The following RNF11 variants were observed in gnomAD, a reference collection of about 807,000 sequenced individuals.
The protein encoded by RNF11 is ring finger protein 11.
RNF11 carries 4 observed loss-of-function variants against 15.8 expected under a neutral mutation model. The ratio of observed to expected loss-of-function variants is 0.25; its 90% CI spans 0.12 to 0.58. The LOEUF is 0.58. Among genes scored for constraint, RNF11 ranks in the 20% least tolerant of loss-of-function variants. RNF11 has a pLI of 0.91. For synonymous variants in RNF11, 68 were observed against 72.3 expected, an observed-to-expected ratio of 0.94 and a Z score of 0.30; for missense variants, 139 against 194.4, an observed-to-expected ratio of 0.71 and a Z score of 1.70.
At position 51,272,544 on chromosome 1, in the gene RNF11, CCTTTGTT is replaced by C. The variant is rs1244626371; in HGVS notation, c.*1223_*1229del. 4 of 152,574 alleles carry C rather than the reference CCTTTGTT, an allele frequency of 2.6e-5. No homozygotes were observed. Among genetic ancestry groups the C allele is most frequent in the African/African-American group, 9.7e-5 (4 of 41,446 alleles). The allele number at this position is 152,574 out of a possible 1,614,324, so 9.5% of individuals were successfully genotyped here. ...TGATCTCAAAAAAGAAGGAATTTCTCCTTTGTTTCTTGCAGTTAATGTAAGAATACTT... is the reference window on the plus strand; with the variant it reads ...TGATCTCAAAAAAGAAGGAATTTCTCTCTTGCAGTTAATGTAAGAATACTT... On this transcript the variant is annotated 3_prime_UTR_variant, in exon 3 of 3. Coordinates refer to ENST00000242719, the MANE Select transcript of RNF11 (RefSeq NM_014372.5).
chr1:51,238,020 A>G (rs1049024424), intron 1 of RNF11, among the ~76,000 whole-genome samples: 7 of 152,048 alleles, frequency 4.6e-5, no homozygotes, highest in African/African-American at 1.7e-4. Context: ...CATATATACC[A>G]GTAAGGTCCA....
At position 51,261,883 on chromosome 1, in the gene RNF11, G is replaced by A. The variant is rs181103799; in HGVS notation, c.124-8073G>A. Among the ~76,000 whole-genome samples the A allele has an allele frequency of 5.5e-4, 84 of 151,972 alleles. 1 individual carries two copies. The highest frequency in any genetic ancestry group is 2.0e-3 in the African/African-American group (81 of 41,450). ...TAAGATTTTTAAATAAAAATTTCAC[G>A]GCTCGTTGCTATGGCTCATGCCTGT... On this transcript the variant is annotated intron_variant, in intron 1 of 2. Transcript: ENST00000242719.
chr1:51,250,173 ATATAAT>A (rs1246083452), intron 1 of RNF11, among the ~76,000 whole-genome samples: 2 of 152,184 alleles, frequency 1.3e-5, no homozygotes, highest in Non-Finnish European at 2.9e-5. Context: ...AGTATAATTG[ATATAAT>A]TATATATACT....
intron 1 of RNF11, among the ~76,000 whole-genome samples, chr1:51,241,050 C>A (rs1342174408): frequency 6.6e-6 from 1 of 152,200 alleles, no homozygotes; most frequent in Non-Finnish European, 1.5e-5. Context: ...CTCCTGACTT[C>A]AGGTGATCTG....
At chr1:51,259,080 A>C (rs971428990) in intron 1 of RNF11, among the ~76,000 whole-genome samples, 1 of 152,170 alleles carries the variant, frequency 6.6e-6, no homozygotes, top group African/African-American at 2.4e-5. Context: ...GTAAGATCCT[A>C]AGCCAGTGGT....
intron 1 of RNF11, among the ~76,000 whole-genome samples, chr1:51,246,094 C>T (rs988966917): frequency 6.6e-6 from 1 of 152,022 alleles, no homozygotes; most frequent in African/African-American, 2.4e-5. Context: ...AGAGAAACCC[C>T]GTCTCTACTA....
At chr1:51,249,735 AT>A (rs1646868316) in intron 1 of RNF11, among the ~76,000 whole-genome samples, 3 of 152,308 alleles carry the variant, frequency 2.0e-5, no homozygotes, top group Admixed American at 6.5e-5. Flanking sequence ...GGTAGTATCA[AT>A]TTTTGGCTGT....
At position 51,242,292 on chromosome 1, in the gene RNF11, A is replaced by C. The variant is rs532426882; in HGVS notation, c.123+5413A>C. On this transcript the variant is annotated intron_variant, in intron 1 of 2. Coordinates refer to ENST00000242719, the MANE Select transcript of RNF11 (RefSeq NM_014372.5). Reference sequence around the variant, plus strand: ...AAAATGTAACATTTTGGATATTTCAAATTGTGTCTGCATAAAGCTTTCTTC... The same window carrying C: ...AAAATGTAACATTTTGGATATTTCACATTGTGTCTGCATAAAGCTTTCTTC... 4.0e-5 allele frequency among the ~76,000 whole-genome samples: 6 copies of C among 151,812 alleles called. No individual in the cohort carries two copies. In the South Asian group the frequency reaches 1.0e-3, roughly 26 times the overall value.
chr1:51,266,787 C>A (rs1290887421), intron 1 of RNF11, among the ~76,000 whole-genome samples: 1 of 152,170 alleles, frequency 6.6e-6, no homozygotes, highest in Non-Finnish European at 1.5e-5. Context: ...CATAGCATAT[C>A]TACAAAGTTC....
At chr1:51,249,108 G>A (rs534088450) in intron 1 of RNF11, among the ~76,000 whole-genome samples, 2 of 152,118 alleles carry the variant, frequency 1.3e-5, no homozygotes, top group African/African-American at 2.4e-5. Flanking sequence ...GGAGTCAGTC[G>A]GGTCGGACTA....
chr1:51,257,148 T>C (rs1646907449), intron 1 of RNF11, among the ~76,000 whole-genome samples: 1 of 152,208 alleles, frequency 6.6e-6, no homozygotes, highest in Admixed American at 6.5e-5. Context: ...CCACCCACCT[T>C]ATCTGGGACA....
intron 1 of RNF11, among the ~76,000 whole-genome samples, chr1:51,254,875 C>T (rs1646897252): frequency 6.6e-6 from 1 of 152,160 alleles, no homozygotes; most frequent in South Asian, 2.1e-4. Context: ...AGCACCCAGC[C>T]TAGTTCCTTT....
intron 1 of RNF11, among the ~76,000 whole-genome samples, chr1:51,248,199 C>T (rs989711208): frequency 8.3e-5 from 10 of 120,958 alleles, no homozygotes; most frequent in South Asian, 2.7e-4. Context: ...ACTGTATTTT[C>T]TTTTTCTTTT....
chr1:51,248,205 CTTTTTTT>C (rs71063020), intron 1 of RNF11, among the ~76,000 whole-genome samples: 1 of 113,330 alleles, frequency 8.8e-6, no homozygotes, highest in Admixed American at 1.0e-4. Context: ...TTTTCTTTTT[CTTTTTTT>C]TTTTTTTGGC....
Position 51,236,358 on chromosome 1 carries a change from CG to C in RNF11, c.-394del. On this transcript the variant is annotated 5_prime_UTR_variant, in exon 1 of 3. It removes the in-frame stop codon of an upstream open reading frame in the 5' UTR. Coordinates refer to ENST00000242719, the MANE Select transcript of RNF11 (RefSeq NM_014372.5). ...CCCGCGGCCGTGGCTCCGGCGTCGG[CG>C]GGGGCAGCAGCAGCTGAGGCAGCAG... 6.4e-6 allele frequency: 1 copy of C among 155,064 alleles called. No homozygotes were observed. The highest frequency in any genetic ancestry group is 1.4e-5 in the Non-Finnish European group (1 of 70,120). 9.6% of individuals were successfully genotyped at this position (155,064 alleles called of 1,614,324 possible). A position where few individuals can be genotyped will look rare whatever the true frequency, so the allele number is the denominator to read the frequency against.
At chr1:51,243,236 G>T (rs1007826506) in intron 1 of RNF11, among the ~76,000 whole-genome samples, 2 of 152,068 alleles carry the variant, frequency 1.3e-5, no homozygotes, top group African/African-American at 4.8e-5. Context: ...CTTCCATATT[G>T]TAGACACCCA....
intron 1 of RNF11, among the ~76,000 whole-genome samples, chr1:51,261,103 T>C (rs1261447692): frequency 6.6e-6 from 1 of 152,194 alleles, no homozygotes; most frequent in African/African-American, 2.4e-5. Context: ...CATCCCTAGA[T>C]TTTGTTTCTC....
At position 51,262,728 on chromosome 1, in the gene RNF11, T is replaced by TG. The variant is rs1436298445; in HGVS notation, c.124-7228_124-7227insG. On this transcript the variant is annotated intron_variant, in intron 1 of 2. Coordinates refer to ENST00000242719, the MANE Select transcript of RNF11 (RefSeq NM_014372.5). ...CCGCCTGCTAATCTTTTTTTTTTTT[T>TG]TTTTTTTTTTTGTATTTTTAGTAGA... Among the ~76,000 whole-genome samples the TG allele has an allele frequency of 8.1e-5, 12 of 148,206 alleles. No homozygotes were observed. The East Asian group carries it at 1.8e-3, about 22-fold the overall frequency.
In RNF11 at chr1:51,269,949, A is replaced by G; in HGVS notation, c.124-7A>G. ...TAATCTTTTTCCTCTATATTTTAAT[A>G]TTTTAGGAACAAGTTCCAGTTCCAG... On this transcript the variant is annotated splice_region_variant and splice_polypyrimidine_tract_variant and intron_variant, in intron 1 of 2. Transcript: ENST00000242719. The G allele has an allele frequency of 6.2e-7, 1 of 1,607,168 alleles. No individual in the cohort carries two copies. The highest frequency in any genetic ancestry group is 1.1e-5 in the South Asian group (1 of 90,058).
Sources: allele counts gnomAD v4.1 joint callset (sites outside exome capture counted in the v4.1 genomes callset), GRCh38; gene constraint gnomAD v4.1.1; transcripts MANE v1.5; gene names NCBI Gene and HGNC (gene_info 2026-07-23, HGNC 2026-07-21).